DSC1: variants seen among roughly 807,000 people sequenced by gnomAD.
The protein encoded by DSC1 is desmocollin-1.
A neutral mutation model predicts 98.8 loss-of-function variants in DSC1; 79 were observed. The observed-to-expected ratio is 0.80, with a 90% CI of 0.67 to 0.96. DSC1 has a LOEUF of 0.96. Ranked by LOEUF, DSC1 falls within the 50% of genes least tolerant of loss-of-function variation. DSC1 has a pLI of 0.00. For synonymous variants in DSC1, 405 were observed against 372.1 expected (o/e 1.09, Z -1.02); for missense variants, 1,115 against 1,075.9 (o/e 1.04, Z -0.51).
At chr18:31,150,173 ACCAC>A in intron 5 of DSC1, among the ~76,000 whole-genome samples, 1 of 144,770 alleles carries the variant, frequency 6.9e-6, no homozygotes, top group African/African-American at 2.6e-5. Flanking sequence ...CACCATCACC[ACCAC>A]TACCATCACC....
intron 9 of DSC1, 124 bp downstream of exon 9, chr18:31,141,875 C>T: frequency 2.2e-6 from 2 of 908,034 alleles, no homozygotes; most frequent in Non-Finnish European, 3.1e-6. Flanking sequence ...TTTATATAAA[C>T]CAATATAAAT....
intron 13 of DSC1, among the ~76,000 whole-genome samples, chr18:31,132,915 C>T (rs1988527809): frequency 1.3e-5 from 2 of 152,106 alleles, no homozygotes; most frequent in Non-Finnish European, 1.5e-5. Flanking sequence ...TTATATGTGT[C>T]TTTTATTTCT....
rs375621230 is a variant in DSC1, at chr18:31,134,729, G to A, written c.1719C>T (p.His573=). 2.2e-5 allele frequency: 35 copies of A among 1,613,114 alleles called. No individual in the cohort carries two copies. Among genetic ancestry groups the A allele is most frequent in the African/African-American group, 8.0e-5 (6 of 74,878 alleles). ...LVVHLDDYND[H]APQIDKEVTI... is the part of the protein sequence containing the mutation. ...TCACTTCTTTGTCAATTTGAGGTGCGTGATCGTTGTAATCATCCAAATGAA... is the reference window on the plus strand; with the variant it reads ...TCACTTCTTTGTCAATTTGAGGTGCATGATCGTTGTAATCATCCAAATGAA... The change falls in exon 12 of 16, where the codon CAC becomes CAT. Residue 573 remains histidine, a synonymous_variant. Coordinates refer to ENST00000257198, the MANE Select transcript of DSC1 (RefSeq NM_024421.2).
intron 13 of DSC1, 66 bp downstream of exon 13, chr18:31,133,825 T>C (rs1988546252): frequency 2.7e-6 from 4 of 1,483,040 alleles, no homozygotes; most frequent in Non-Finnish European, 2.7e-6. Context: ...AAAACTTCCA[T>C]GTTTTAAAAA....
At position 31,136,009 on chromosome 18, in the gene DSC1, C is replaced by A. The variant is rs192360013; in HGVS notation, c.1664-1225G>T. Among the ~76,000 whole-genome samples the A allele has an allele frequency of 4.2e-4, 64 of 152,020 alleles. No homozygotes were observed. In the East Asian group the frequency reaches 0.012, roughly 28 times the overall value. The stretch of plus-strand genomic sequence containing the variant: ...AAGAATTTTTTCTGTTGAATAACTA[C>A]AAAATTAATTTATTCAGTGACTTTT... On this transcript the variant is annotated intron_variant, in intron 11 of 15. Coordinates refer to ENST00000257198, the MANE Select transcript of DSC1 (RefSeq NM_024421.2).
At position 31,131,026 on chromosome 18, in the gene DSC1, G is replaced by A. The variant is rs995622410; in HGVS notation, c.2488-315C>T. On this transcript the variant is annotated intron_variant, in intron 15 of 15. Transcript: ENST00000257198. The stretch of plus-strand genomic sequence containing the variant: ...AAATTTACCTTTGTAGCTTCTTCAC[G>A]TATTTGAGGAAAACCAATATAGGCT... Among the ~76,000 whole-genome samples the A allele has an allele frequency of 4.6e-5, 7 of 152,092 alleles. 1 individual carries two copies. The highest frequency in any genetic ancestry group is 7.2e-5 in the African/African-American group (3 of 41,406).
rs572537040 is a variant in DSC1, at chr18:31,157,288, T to C, written c.351+83A>G. The C allele has an allele frequency of 8.6e-6, 12 of 1,388,656 alleles. No homozygotes were observed. In the African/African-American group the frequency reaches 1.5e-4, roughly 17 times the overall value. 86.0% of individuals were successfully genotyped at this position (1,388,656 alleles called of 1,614,324 possible). A position where few individuals can be genotyped will look rare whatever the true frequency, so the allele number is the denominator to read the frequency against. On this transcript the variant is annotated intron_variant, in intron 3 of 15. Transcript: ENST00000257198. Reference sequence around the variant, plus strand: ...TCATTCAATAGCATAGATTTTAACATGAAACACGTTAAAACACATGAAACA... The same window carrying C: ...TCATTCAATAGCATAGATTTTAACACGAAACACGTTAAAACACATGAAACA...
At chr18:31,157,275 A>C (rs1989116135) in intron 3 of DSC1, 96 bp downstream of exon 3, 6 of 1,291,826 alleles carry the variant, frequency 4.6e-6, no homozygotes, top group Non-Finnish European at 6.5e-6. Context: ...ATTCAATAGC[A>C]TAGATTTTAA....
intron 11 of DSC1, among the ~76,000 whole-genome samples, chr18:31,135,114 A>G (rs956706396): frequency 1.3e-5 from 2 of 152,198 alleles, no homozygotes; most frequent in Non-Finnish European, 2.9e-5. Flanking sequence ...TCCTTAGAAT[A>G]CAAACACTTT....
intron 13 of DSC1, 84 bp downstream of exon 13, chr18:31,133,807 T>C: frequency 1.5e-6 from 2 of 1,356,002 alleles, no homozygotes; most frequent in Non-Finnish European, 2.0e-6. Flanking sequence ...CAAAGGCTAT[T>C]AATATAAAAA....
At position 31,143,599 on chromosome 18, in the gene DSC1, G is replaced by A. The variant is rs574170798; in HGVS notation, c.1074+58C>T. On this transcript the variant is annotated intron_variant, in intron 8 of 15. Transcript: ENST00000257198. ...GATCTCACAGAGCTACCAAATTCTA[G>A]ACATGTTTTTTGAAAAAGTAGATAA... is the stretch of plus-strand genomic sequence containing the variant. 1.4e-4 allele frequency: 187 copies of A among 1,363,286 alleles called. 1 individual carries two copies. In the South Asian group the frequency reaches 1.8e-3, roughly 13 times the overall value. 84.4% of individuals were successfully genotyped at this position (1,363,286 alleles called of 1,614,324 possible). A position where few individuals can be genotyped will look rare whatever the true frequency, so the allele number is the denominator to read the frequency against.
intron 7 of DSC1, among the ~76,000 whole-genome samples, chr18:31,144,351 T>C (rs1988797745): frequency 6.6e-6 from 1 of 152,190 alleles, no homozygotes; most frequent in Non-Finnish European, 1.5e-5. Flanking sequence ...TTGCCAAAAC[T>C]TGAAAACAAC....
chr18:31,129,956 G>T lies in DSC1; in HGVS notation c.*558C>A, dbSNP rs552957398. 1.3e-5 allele frequency: 2 copies of T among 153,178 alleles called. No individual in the cohort carries two copies. The highest frequency in any genetic ancestry group is 4.8e-5 in the African/African-American group (2 of 41,564). 9.5% of individuals were successfully genotyped at this position (153,178 alleles called of 1,614,324 possible). A position where few individuals can be genotyped will look rare whatever the true frequency, so the allele number is the denominator to read the frequency against. On this transcript the variant is annotated 3_prime_UTR_variant, in exon 16 of 16. Transcript: ENST00000257198. ...ATCCTGAAAGAAAACAATGCTGGGA[G>T]CACTGCTCTGAGGAGTACAAAAGTG...
chr18:31,132,166 G>C, intron 14 of DSC1: 1 of 384,856 alleles, frequency 2.6e-6, no homozygotes. Context: ...GGGGAAATTT[G>C]GACACAGACA....
intron 5 of DSC1, among the ~76,000 whole-genome samples, chr18:31,152,803 C>T (rs778808162): frequency 8.6e-5 from 13 of 151,850 alleles, no homozygotes; most frequent in South Asian, 2.1e-4. Context: ...AAGTATATTA[C>T]GTTAAAAACA....
rs371322023 is a variant in DSC1 at position 31,145,650 on chromosome 18, G to T, written c.900C>A (p.Thr300=). The T allele has an allele frequency of 3.1e-6, 5 of 1,613,920 alleles. No individual in the cohort carries two copies. Among genetic ancestry groups the T allele is most frequent in the Non-Finnish European group, 4.2e-6 (5 of 1,179,972 alleles). Residue 300 remains threonine (T), a synonymous_variant, in exon 7 of 16, where the codon ACC becomes ACA. Coordinates refer to ENST00000257198, the MANE Select transcript of DSC1 (RefSeq NM_024421.2). ...HPKHFSIHPD[T]GVITTTTPFL... ...AAGGTGTAGTTGTGGTGATGACACC[G>T]GTATCTGGGTGTATGGAGAAATGCT...
chr18:31,158,131 G>C (rs1451429297), intron 2 of DSC1, among the ~76,000 whole-genome samples: 1 of 152,114 alleles, frequency 6.6e-6, no homozygotes, highest in African/African-American at 2.4e-5. Flanking sequence ...GCCAAGCATG[G>C]TGGCGTGCAC....
In DSC1 at chr18:31,145,853, T is replaced by C. The variant is rs1485968718; in HGVS notation, c.773-76A>G. 9 of 1,484,906 alleles carry C rather than the reference T, an allele frequency of 6.1e-6. No homozygotes were observed. The African/African-American group carries it at 8.5e-5, about 14-fold the overall frequency. 92.0% of individuals were successfully genotyped at this position (1,484,906 alleles called of 1,614,324 possible). On this transcript the variant is annotated intron_variant, in intron 6 of 15. Transcript: ENST00000257198. ...TTATAAACAAAATAAAATCAAGGCA[T>C]TGCTGTAGCAAATTCTCCCCCAAAC...
chr18:31,150,411 C>CT (rs879342068), intron 5 of DSC1, among the ~76,000 whole-genome samples: 1 of 3,198 alleles, frequency 3.1e-4, no homozygotes, highest in African/African-American at 1.3e-3. Flanking sequence ...ACCACCACCA[C>CT]ATCATCACTG....
Sources: allele counts gnomAD v4.1 joint callset (sites outside exome capture counted in the v4.1 genomes callset), GRCh38; gene constraint gnomAD v4.1.1; transcripts MANE v1.5; gene names NCBI Gene and HGNC (gene_info 2026-07-23, HGNC 2026-07-21).